VAC14: variants seen among roughly 807,000 people sequenced by gnomAD.
VAC14 encodes VAC14 component of PIKFYVE complex.
VAC14 carries 47 observed loss-of-function variants against 85.3 expected under a neutral mutation model. The observed-to-expected ratio is 0.55, with a 90% CI of 0.44 to 0.70. The LOEUF (loss-of-function observed/expected upper bound fraction) is 0.70. VAC14 is among the 30% of genes least tolerant of loss of function. The pLI, the probability that VAC14 is intolerant of heterozygous loss-of-function variation, is 0.00. For missense variants in VAC14, 861 were observed against 1,004.3 expected (o/e 0.86, Z 1.93); for synonymous variants, 447 against 430.5 (o/e 1.04, Z -0.47).
chr16:70,791,417 C>T (rs1034496289), intron 1 of VAC14, among the ~76,000 whole-genome samples: 3 of 152,190 alleles, frequency 2.0e-5, no homozygotes, highest in African/African-American at 7.2e-5. Context: ...CAGAGTCTCG[C>T]TCTGTTGCCC....
chr16:70,766,690 C>G, intron 10 of VAC14: 1 of 336,460 alleles, frequency 3.0e-6, no homozygotes, highest in Non-Finnish European at 5.9e-6. Context: ...CTTTTCTTCC[C>G]TTGCCTGGCT....
At chr16:70,715,567 G>C (rs1360350859) in intron 14 of VAC14, 1 of 152,322 alleles carries the variant, frequency 6.6e-6, no homozygotes, top group Non-Finnish European at 1.5e-5. Context: ...TTGCAGGGAG[G>C]GGGCCGAGCT....
At chr16:70,782,987 C>CAGT (rs761357761) in intron 7 of VAC14, 46 bp downstream of exon 7, 10 of 1,549,026 alleles carry the variant, frequency 6.5e-6, no homozygotes, top group Non-Finnish European at 8.9e-6. Context: ...GTGGCAGTGG[C>CAGT]AGCAGCAGTG....
Position 70,785,650 on chromosome 16 carries a change from G to C in VAC14, c.423+52C>G, listed in dbSNP as rs1567605834. 4.6e-6 allele frequency: 7 copies of C among 1,507,234 alleles called. No individual in the cohort carries two copies. The East Asian group carries it at 1.5e-4, about 32-fold the overall frequency. 93.4% of individuals were successfully genotyped at this position (1,507,234 alleles called of 1,614,324 possible). A position where few individuals can be genotyped will look rare whatever the true frequency, so the allele number is the denominator to read the frequency against. On this transcript the variant is annotated intron_variant, in intron 3 of 18. Transcript: ENST00000261776. ...GGTCCAAGGTTCCAGAAGGTCAAGT[G>C]AGGTGGGGGAACCAAGCGCAGCTCA... is the stretch of plus-strand genomic sequence containing the variant.
intron 1 of VAC14, among the ~76,000 whole-genome samples, chr16:70,787,680 G>A (rs2034131471): frequency 6.6e-6 from 1 of 152,212 alleles, no homozygotes. Context: ...CTGGAAGTGG[G>A]ATGGAGCCGG....
chr16:70,748,795 A>C (rs577237115), intron 12 of VAC14, among the ~76,000 whole-genome samples: 1 of 152,236 alleles, frequency 6.6e-6, no homozygotes, highest in South Asian at 2.1e-4. Flanking sequence ...AAAAATACAA[A>C]AATTAGTTGG....
intron 14 of VAC14, among the ~76,000 whole-genome samples, chr16:70,729,876 C>G (rs568980074): frequency 2.6e-5 from 4 of 152,120 alleles, no homozygotes; most frequent in Non-Finnish European, 5.9e-5. Context: ...GAGATTGTAT[C>G]TTGGGCCTCG....
chr16:70,708,143 AT>A (rs2053958062), intron 14 of VAC14, among the ~76,000 whole-genome samples: 1 of 152,042 alleles, frequency 6.6e-6, no homozygotes, highest in African/African-American at 2.4e-5. Flanking sequence ...CCCTGTGTCC[AT>A]TCACAGGTAC....
intron 10 of VAC14, chr16:70,770,114 C>G (rs1244318226): frequency 6.6e-6 from 1 of 152,278 alleles, no homozygotes; most frequent in Non-Finnish European, 1.5e-5. Context: ...TTGACCACCC[C>G]ACCCACACCT....
intron 6 of VAC14, 69 bp downstream of exon 6, chr16:70,783,376 G>T: frequency 2.0e-6 from 3 of 1,504,376 alleles, no homozygotes; most frequent in Non-Finnish European, 1.8e-6. Flanking sequence ...CCTCTCTGTG[G>T]GCATGAAGCA....
intron 12 of VAC14, among the ~76,000 whole-genome samples, chr16:70,753,011 G>GTGTGTGTGTGTGTGTGTGTGTGT (rs1555521573): frequency 1.9e-4 from 27 of 143,062 alleles, no homozygotes; most frequent in African/African-American, 6.5e-4. Context: ...AGGAGGAGGG[G>GTGTGTGTGTGTGTGTGTGTGTGT]GTGTGTGTGT....
At chr16:70,782,039 A>C in intron 7 of VAC14, 36 bp from the exon 8 acceptor site, 1 of 1,605,978 alleles carries the variant, frequency 6.2e-7, no homozygotes, top group Middle Eastern at 1.7e-4. Flanking sequence ...AGGGGCCAGC[A>C]CACGCAGCCC....
Position 70,692,949 on chromosome 16 carries a change from G to C in VAC14, c.2058C>G (p.Asp686Glu). 1 of 1,611,210 alleles carries C rather than the reference G, an allele frequency of 6.2e-7. No homozygotes were observed. The highest frequency in any genetic ancestry group is 8.5e-7 in the Non-Finnish European group (1 of 1,179,454). The change falls in exon 18 of 19, where the codon GAC (aspartate) becomes GAG (glutamate). Residue 686 changes from aspartate to glutamate, a missense_variant. Physicochemically the swap from Asp to Glu is conservative, Grantham distance 45. Coordinates refer to ENST00000261776, the MANE Select transcript of VAC14 (RefSeq NM_018052.5). ...IFTYLRLQLL[D>E]VKNNPYLIKA... ...TGATCAGGTAGGGGTTGTTCTTCAC[G>C]TCCAGCAGCTGCAGGCGCAGATCTG...
rs528328285 is a variant in VAC14 at position 70,701,475 on chromosome 16, C to G, written c.1662-2664G>C. ...ACCCCCAGTCCCTCTGCTGGGTCCA[C>G]TGGCACGTATGGGGGCCTTACCCTG... On this transcript the variant is annotated intron_variant, in intron 14 of 18. Coordinates refer to ENST00000261776, the MANE Select transcript of VAC14 (RefSeq NM_018052.5). Among the ~76,000 whole-genome samples, 4 of 152,280 alleles carry G rather than the reference C, an allele frequency of 2.6e-5. No homozygotes were observed. The South Asian group carries it at 6.2e-4, about 24-fold the overall frequency.
At position 70,783,027 on chromosome 16, in the gene VAC14, A is replaced by G; in HGVS notation, c.811+6T>C. The G allele has an allele frequency of 6.2e-7, 1 of 1,613,228 alleles. No homozygotes were observed. Among genetic ancestry groups the G allele is most frequent in the Non-Finnish European group, 8.5e-7 (1 of 1,179,570 alleles). Reference sequence around the variant, plus strand: ...CCGTGGCTGTGGGCCCTCCCCCAATACTCACCTGTTGTCTGGCAGTGGATC... The same window carrying G: ...CCGTGGCTGTGGGCCCTCCCCCAATGCTCACCTGTTGTCTGGCAGTGGATC... On this transcript the variant is annotated splice_donor_region_variant and intron_variant, in intron 7 of 18. Transcript: ENST00000261776.
chr16:70,708,519 G>A (rs1484315506), intron 14 of VAC14, among the ~76,000 whole-genome samples: 1 of 152,206 alleles, frequency 6.6e-6, no homozygotes, highest in Non-Finnish European at 1.5e-5. Flanking sequence ...TTCGCATTCT[G>A]CAAGGAGTCC....
chr16:70,782,538 GCCCAT>G (rs1042629868), intron 7 of VAC14, among the ~76,000 whole-genome samples: 2 of 152,222 alleles, frequency 1.3e-5, no homozygotes, highest in African/African-American at 4.8e-5. Flanking sequence ...GGCCACTGTG[GCCCAT>G]CCACCCCAGC....
intron 13 of VAC14, among the ~76,000 whole-genome samples, chr16:70,740,290 G>C (rs1391613980): frequency 6.6e-6 from 1 of 152,176 alleles, no homozygotes; most frequent in Non-Finnish European, 1.5e-5. Context: ...AGCAGCATTG[G>C]GCCCCGTGGC....
intron 14 of VAC14, among the ~76,000 whole-genome samples, chr16:70,728,077 T>C (rs1201682791): frequency 6.6e-6 from 1 of 152,220 alleles, no homozygotes; most frequent in Non-Finnish European, 1.5e-5. Flanking sequence ...ACTGGGCTTC[T>C]AGTGGGGATG....
Sources: gnomAD v4.1 joint callset for allele counts (sites outside exome capture counted in the v4.1 genomes callset) on GRCh38, gnomAD v4.1.1 for gene constraint, MANE v1.5 for transcripts, NCBI Gene and HGNC (gene_info 2026-07-23, HGNC 2026-07-21) for gene names.